POLB: variants seen among roughly 807,000 people sequenced by gnomAD.
POLB encodes the protein DNA polymerase beta, also known as 5'-dRP lyase.
POLB carries 37 observed loss-of-function variants against 52.7 expected under a neutral mutation model. The observed-to-expected ratio is 0.70, with a 90% CI of 0.54 to 0.92. The LOEUF is 0.92. POLB is among the 40% of genes least tolerant of loss of function. The pLI, the probability that POLB is intolerant of heterozygous loss-of-function variation, is 0.00. For missense variants in POLB, 313 were observed against 400.8 expected (o/e 0.78, Z 1.87); for synonymous variants, 138 against 131.3 (o/e 1.05, Z -0.35).
intron 11 of POLB, among the ~76,000 whole-genome samples, chr8:42,364,867 A>G (rs1303226468): frequency 6.6e-6 from 1 of 152,186 alleles, no homozygotes; most frequent in Non-Finnish European, 1.5e-5. Context: ...CTGGAGATGG[A>G]TGGCGGTGAT....
At chr8:42,349,335 A>G in intron 4 of POLB, 1 of 321,366 alleles carries the variant, frequency 3.1e-6, no homozygotes, top group Non-Finnish European at 5.6e-6. Context: ...TACTATTCAG[A>G]AAAGAGATTA....
chr8:42,354,640 T>A, intron 6 of POLB: 1 of 399,708 alleles, frequency 2.5e-6, no homozygotes, highest in Admixed American at 2.8e-5. Flanking sequence ...GCCACCTGGG[T>A]TCAAGTGATT....
Position 42,362,380 on chromosome 8 carries a change from A to T in POLB, c.622-232A>T, listed in dbSNP as rs190544203. Among the ~76,000 whole-genome samples, 139 of 152,214 alleles carry T rather than the reference A, an allele frequency of 9.1e-4. 2 individuals carry two copies. The East Asian group carries it at 0.026, about 28-fold the overall frequency. On this transcript the variant is annotated intron_variant, in intron 10 of 13. Coordinates refer to ENST00000265421, the MANE Select transcript of POLB (RefSeq NM_002690.3). The stretch of plus-strand genomic sequence containing the variant: ...CTCGATTCCCTGCCAAAAAAAAAAA[A>T]AGTTTTCTTATTCAGGCATGATGTT...
chr8:42,364,650 AGAGTGGATGTG>A (rs1823929397), intron 11 of POLB, among the ~76,000 whole-genome samples: 1 of 152,170 alleles, frequency 6.6e-6, no homozygotes, highest in Admixed American at 6.5e-5. Context: ...GTGCTTTTGG[AGAGTGGATGTG>A]CTAAAATTAG....
At chr8:42,350,194 C>T (rs1477942684) in intron 5 of POLB, 129 bp downstream of exon 5, 2 of 704,358 alleles carry the variant, frequency 2.8e-6, no homozygotes, top group Non-Finnish European at 5.2e-6. Context: ...ACAGTTCACC[C>T]TTCCATAGCT....
At chr8:42,340,487 G>T (rs764139520) in intron 2 of POLB, among the ~76,000 whole-genome samples, 2 of 152,052 alleles carry the variant, frequency 1.3e-5, no homozygotes, top group Non-Finnish European at 2.9e-5. Flanking sequence ...TTATGTATAC[G>T]CAAATATTCC....
At chr8:42,344,408 G>T (rs1242055888) in intron 2 of POLB, among the ~76,000 whole-genome samples, 2 of 150,888 alleles carry the variant, frequency 1.3e-5, no homozygotes, top group Non-Finnish European at 3.0e-5. Context: ...GGCGGAGGTT[G>T]TGGTGAGCCG....
chr8:42,345,087 C>A, intron 3 of POLB, 68 bp downstream of exon 3: 3 of 979,950 alleles, frequency 3.1e-6, no homozygotes, highest in South Asian at 1.4e-5. Flanking sequence ...CCCACCAAAC[C>A]AAACTTGCCT....
Position 42,354,269 on chromosome 8 carries a change from A to G in POLB, c.371-1247A>G, listed in dbSNP as rs188448262. On this transcript the variant is annotated intron_variant, in intron 6 of 13. Transcript: ENST00000265421. ...TAGCGTTTTCTGTGTGCACATAACC[A>G]TAGGAAATATTAAGTGCTCTATATT... The G allele has an allele frequency of 8.6e-4, 305 of 356,468 alleles. No homozygotes were observed. The Middle Eastern group carries it at 0.012, about 14-fold the overall frequency. 22.1% of individuals were successfully genotyped at this position (356,468 alleles called of 1,614,324 possible).
intron 9 of POLB, among the ~76,000 whole-genome samples, chr8:42,358,390 T>A (rs993285570): frequency 2.6e-5 from 4 of 151,766 alleles, no homozygotes; most frequent in African/African-American, 9.7e-5. Flanking sequence ...TAGTCCCAGC[T>A]CCTCGGGCGG....
intron 2 of POLB, among the ~76,000 whole-genome samples, chr8:42,342,987 G>A (rs1822306343): frequency 6.6e-6 from 1 of 152,000 alleles, no homozygotes; most frequent in African/African-American, 2.4e-5. Flanking sequence ...TCAGGAGTTG[G>A]AAACCAGCCT....
chr8:42,371,467 C>A, intron 13 of POLB, 96 bp from the exon 14 acceptor site: 2 of 478,386 alleles, frequency 4.2e-6, no homozygotes, highest in Non-Finnish European at 7.2e-6. Context: ...CTTTTTTCTT[C>A]TGAAAGCAAG....
intron 3 of POLB, 76 bp from the exon 4 acceptor site, chr8:42,348,940 G>T: frequency 2.5e-6 from 2 of 789,736 alleles, no homozygotes; most frequent in Non-Finnish European, 4.1e-6. Flanking sequence ...TTCATTTTCT[G>T]CTTTTTACTT....
intron 9 of POLB, among the ~76,000 whole-genome samples, chr8:42,359,128 G>A (rs144500558): frequency 6.6e-6 from 1 of 151,922 alleles, no homozygotes; most frequent in East Asian, 1.9e-4. Context: ...CAGTCCCTAT[G>A]CACTCTTTCC....
intron 10 of POLB, 112 bp downstream of exon 10, chr8:42,361,477 A>C: frequency 1.3e-6 from 1 of 767,478 alleles, no homozygotes; most frequent in Non-Finnish European, 2.3e-6. Flanking sequence ...CTTCCTGAAA[A>C]GTCTGAAGAG....
At chr8:42,345,427 T>G (rs1256676597) in intron 3 of POLB, among the ~76,000 whole-genome samples, 1 of 152,176 alleles carries the variant, frequency 6.6e-6, no homozygotes, top group Non-Finnish European at 1.5e-5. Context: ...CCCAGAGAGA[T>G]CTTACTAATA....
intron 2 of POLB, chr8:42,341,889 GCTT>G: frequency 1.6e-6 from 1 of 618,904 alleles, no homozygotes; most frequent in East Asian, 3.4e-5. Flanking sequence ...TCTTTCTTGA[GCTT>G]CTTTTCATAG....
intron 9 of POLB, among the ~76,000 whole-genome samples, chr8:42,359,521 ATTTTTTTT>A (rs900964546): frequency 6.3e-5 from 7 of 110,534 alleles, no homozygotes; most frequent in Admixed American, 2.7e-4. Context: ...CACCCGGCTA[ATTTTTTTT>A]TTTTTTTTTT....
At chr8:42,360,478 T>A (rs1823607449) in intron 9 of POLB, among the ~76,000 whole-genome samples, 1 of 152,184 alleles carries the variant, frequency 6.6e-6, no homozygotes, top group Admixed American at 6.5e-5. Flanking sequence ...CTTTTACATA[T>A]GTTCTTATTT....
Sources: gnomAD v4.1 joint callset for allele counts (sites outside exome capture counted in the v4.1 genomes callset) on GRCh38, gnomAD v4.1.1 for gene constraint, MANE v1.5 for transcripts, NCBI Gene and HGNC (gene_info 2026-07-23, HGNC 2026-07-21) for gene names.